Variants in CRADD observed in about 807,000 individuals in gnomAD.
CRADD encodes the protein CARD and death domain containing adaptor protein.
CRADD carries 9 observed loss-of-function variants against 15.5 expected under a neutral mutation model. The ratio of observed to expected loss-of-function variants is 0.58; its 90% confidence interval spans 0.35 to 1.01. The LOEUF is 1.01. CRADD is among the 50% of genes least tolerant of loss of function. The pLI, the probability that CRADD is intolerant of heterozygous loss-of-function variation, is 0.02. For missense variants in CRADD, 227 were observed against 250.3 expected (o/e 0.91, Z 0.63); for synonymous variants, 118 against 107.6 (o/e 1.10, Z -0.60).
chr12:93,771,259 T>A (rs896241234), intron 2 of CRADD, among the ~76,000 whole-genome samples: 1 of 152,194 alleles, frequency 6.6e-6, no homozygotes, highest in Admixed American at 6.5e-5. Context: ...CACCTTCATA[T>A]TCCCCAGTGA....
chr12:93,777,864 G>A (rs909885980), intron 2 of CRADD, among the ~76,000 whole-genome samples: 3 of 152,032 alleles, frequency 2.0e-5, no homozygotes, highest in South Asian at 2.1e-4. Context: ...TCGTGGCTCC[G>A]TGGCATACAT....
At chr12:93,865,605 G>A (rs975395390) in intron 2 of CRADD, among the ~76,000 whole-genome samples, 1 of 151,998 alleles carries the variant, frequency 6.6e-6, no homozygotes, top group Non-Finnish European at 1.5e-5. Flanking sequence ...ATTTTTTGTA[G>A]AGATGACTAT....
intron 2 of CRADD, among the ~76,000 whole-genome samples, chr12:93,812,008 T>C (rs1292852420): frequency 6.6e-6 from 1 of 152,144 alleles, no homozygotes; most frequent in Non-Finnish European, 1.5e-5. Context: ...AAATACACGT[T>C]GATAAGTGAA....
At chr12:93,861,378 G>A (rs1958318256) in intron 2 of CRADD, among the ~76,000 whole-genome samples, 1 of 152,234 alleles carries the variant, frequency 6.6e-6, no homozygotes, top group Non-Finnish European at 1.5e-5. Context: ...CAATCAAGAT[G>A]GCCATAGTGA....
At chr12:93,830,319 A>G (rs1957879371) in intron 2 of CRADD, among the ~76,000 whole-genome samples, 1 of 152,238 alleles carries the variant, frequency 6.6e-6, no homozygotes, top group East Asian at 1.9e-4. Context: ...AGCCAGCTGA[A>G]TCTGCTCTAG....
intron 2 of CRADD, among the ~76,000 whole-genome samples, chr12:93,767,651 T>C (rs1957040156): frequency 6.6e-6 from 1 of 152,210 alleles, no homozygotes; most frequent in African/African-American, 2.4e-5. Flanking sequence ...GTACACCTAG[T>C]AAATGGCAGA....
intron 2 of CRADD, among the ~76,000 whole-genome samples, chr12:93,888,291 G>C (rs1489817242): frequency 2.0e-5 from 3 of 152,132 alleles, no homozygotes; most frequent in Non-Finnish European, 4.4e-5. Context: ...CGGGCATGGT[G>C]GTGGGCGCTT....
downstream of CRADD, among the ~76,000 whole-genome samples, chr12:93,852,428 C>T (rs142396141): frequency 3.7e-3 from 558 of 152,338 alleles, 3 homozygotes; most frequent in African/African-American, 0.012. Context: ...AACAAGCCCA[C>T]GATGGGCCAG....
At chr12:93,835,615 C>T (rs1188266979) in intron 2 of CRADD, among the ~76,000 whole-genome samples, 1 of 152,066 alleles carries the variant, frequency 6.6e-6, no homozygotes, top group African/African-American at 2.4e-5. Context: ...TCATTTTTCT[C>T]TGTAAGTTTT....
intron 2 of CRADD, among the ~76,000 whole-genome samples, chr12:93,811,098 G>A (rs1186074563): frequency 6.6e-6 from 1 of 152,152 alleles, no homozygotes; most frequent in Non-Finnish European, 1.5e-5. Flanking sequence ...TTTTTTGAAA[G>A]AAGCCCTGAA....
At position 93,797,402 on chromosome 12, in the gene CRADD, C is replaced by T. The variant is rs115719629; in HGVS notation, c.299-52568C>T. On this transcript the variant is annotated intron_variant, in intron 2 of 2. Transcript: ENST00000332896. ...GTGAACTTGGAGATGCGTTCATTCA[C>T]ATCACAGTCAGTGCAGGTAGTGTAG... 6.1e-3 allele frequency among the ~76,000 whole-genome samples: 935 copies of T among 152,250 alleles called. 12 individuals are homozygous for T. The highest frequency in any genetic ancestry group is 0.022 in the African/African-American group (901 of 41,520).
intron 2 of CRADD, among the ~76,000 whole-genome samples, chr12:93,887,390 G>A (rs1213406966): frequency 1.3e-5 from 2 of 152,222 alleles, no homozygotes; most frequent in Non-Finnish European, 2.9e-5. Flanking sequence ...TGGAGGGTAA[G>A]GAAGGTCACA....
In CRADD at chr12:93,678,919, A is replaced by G. The variant is rs1280119119; in HGVS notation, c.145A>G (p.Thr49Ala). The G allele has an allele frequency of 1.2e-6, 2 of 1,614,096 alleles. No homozygotes were observed. The highest frequency in any genetic ancestry group is 1.7e-6 in the Non-Finnish European group (2 of 1,180,038). ...TATTCAAGAAATCAATGCTCAAACC[A>G]CAGGCCTCCGGAAAACAATGCTCCT... is the stretch of plus-strand genomic sequence containing the variant. Reference protein sequence around the residue: ...NHIQEINAQTTGLRKTMLLLD... With the variant: ...NHIQEINAQTAGLRKTMLLLD... Residue 49 changes from threonine to alanine, a missense_variant, in exon 2 of 3, where the codon ACA (threonine) becomes GCA (alanine). Transcript: ENST00000332896.
At chr12:93,695,260 A>T (rs1955675495) in intron 2 of CRADD, among the ~76,000 whole-genome samples, 1 of 152,228 alleles carries the variant, frequency 6.6e-6, no homozygotes, top group Admixed American at 6.5e-5. Flanking sequence ...ACAACTGGAT[A>T]TGCAGAAGAA....
chr12:93,712,331 C>T (rs1006116500), intron 2 of CRADD, among the ~76,000 whole-genome samples: 4 of 152,132 alleles, frequency 2.6e-5, no homozygotes, highest in African/African-American at 9.7e-5. Context: ...AGTTTATTGT[C>T]TTTCACTTAT....
intron 2 of CRADD, among the ~76,000 whole-genome samples, chr12:93,740,613 A>G (rs1956651119): frequency 6.6e-6 from 1 of 152,210 alleles, no homozygotes; most frequent in Non-Finnish European, 1.5e-5. Flanking sequence ...TGTGAAAGCC[A>G]TATTCTTAAC....
intron 2 of CRADD, among the ~76,000 whole-genome samples, chr12:93,893,632 G>T (rs985817389): frequency 1.3e-5 from 2 of 152,182 alleles, no homozygotes; most frequent in African/African-American, 4.8e-5. Context: ...TAGGCTGGGC[G>T]CAGTGGCTCA....
chr12:93,684,277 TG>T (rs1050653137), intron 2 of CRADD, among the ~76,000 whole-genome samples: 2 of 152,146 alleles, frequency 1.3e-5, no homozygotes, highest in Non-Finnish European at 2.9e-5. Context: ...ACGGGAGAGT[TG>T]GGGGGAATGA....
Position 93,721,423 on chromosome 12 carries a change from A to G in CRADD, c.298+42351A>G, listed in dbSNP as rs977948522. ...TCATTTCACTTATACGTTAGTGTAT[A>G]TAACTATATGTGTATGCACATACAC... On this transcript the variant is annotated intron_variant, in intron 2 of 2. Coordinates refer to ENST00000332896, the MANE Select transcript of CRADD (RefSeq NM_003805.5). 2.6e-5 allele frequency among the ~76,000 whole-genome samples: 4 copies of G among 152,160 alleles called. No individual in the cohort carries two copies. In the East Asian group the frequency reaches 7.7e-4, roughly 29 times the overall value.
Sources: gnomAD v4.1 joint callset for allele counts (sites outside exome capture counted in the v4.1 genomes callset) on GRCh38, gnomAD v4.1.1 for gene constraint, MANE v1.5 for transcripts, NCBI Gene and HGNC (gene_info 2026-07-23, HGNC 2026-07-21) for gene names.